SETD7: variants seen among roughly 807,000 people sequenced by gnomAD.
SETD7 encodes the protein histone-lysine N-methyltransferase SETD7.
In SETD7, 16 loss-of-function variants were observed where a neutral mutation model predicts 41.8. The ratio of observed to expected loss-of-function variants is 0.38; its 90% confidence interval spans 0.26 to 0.58. SETD7 has a LOEUF of 0.58. Among genes scored for constraint, SETD7 ranks in the 20% least tolerant of loss-of-function variants. SETD7 has a pLI of 0.64. For missense variants in SETD7, 346 were observed against 459.7 expected (o/e 0.75, Z 2.26); for synonymous variants, 163 against 169.7 (o/e 0.96, Z 0.31).
intron 7 of SETD7, among the ~76,000 whole-genome samples, chr4:139,516,457 C>T (rs1481848697): frequency 2.2e-5 from 2 of 92,804 alleles, no homozygotes; most frequent in African/African-American, 9.0e-5. Context: ...CTGAGCGAGA[C>T]TCTGTCTCAA....
chr4:139,507,160 C>T lies in SETD7; in HGVS notation c.*4503G>A, dbSNP rs949894615. Reference sequence around the variant, plus strand: ...TGATGGCGGCCGGGAAACCGAGTTTCGAGGTTCACATGGCCAAGTCTGGCT... The same window carrying T: ...TGATGGCGGCCGGGAAACCGAGTTTTGAGGTTCACATGGCCAAGTCTGGCT... On this transcript the variant is annotated 3_prime_UTR_variant, in exon 8 of 8. Transcript: ENST00000274031. 1.3e-5 allele frequency: 2 copies of T among 152,798 alleles called. No homozygotes were observed. Among genetic ancestry groups the T allele is most frequent in the East Asian group, 1.9e-4 (1 of 5,204 alleles). The allele number at this position is 152,798 out of a possible 1,614,324, so 9.5% of individuals were successfully genotyped here.
At chr4:139,550,095 G>A (rs1728069847) in intron 1 of SETD7, among the ~76,000 whole-genome samples, 1 of 152,060 alleles carries the variant, frequency 6.6e-6, no homozygotes, top group Non-Finnish European at 1.5e-5. Context: ...GTGTTGCCCA[G>A]GCTGGTCTCA....
intron 6 of SETD7, 27 bp downstream of exon 6, chr4:139,520,250 T>A: frequency 7.8e-7 from 1 of 1,280,760 alleles, no homozygotes; most frequent in Non-Finnish European, 1.1e-6. Context: ...CCAACAAAGT[T>A]GATTTTCCAC....
intron 7 of SETD7, 32 bp downstream of exon 7, chr4:139,517,853 G>A: frequency 6.3e-7 from 1 of 1,596,056 alleles, no homozygotes; most frequent in Non-Finnish European, 8.6e-7. Flanking sequence ...CTGAGGCATA[G>A]ATCCGCCCCA....
At chr4:139,513,684 C>T (rs1188490157) in intron 7 of SETD7, among the ~76,000 whole-genome samples, 1 of 152,152 alleles carries the variant, frequency 6.6e-6, no homozygotes, top group Non-Finnish European at 1.5e-5. Context: ...TTTACTGCAT[C>T]CTCTTGGAAA....
intron 4 of SETD7, among the ~76,000 whole-genome samples, chr4:139,524,232 T>A (rs1292753485): frequency 6.6e-6 from 1 of 152,218 alleles, no homozygotes; most frequent in African/African-American, 2.4e-5. Context: ...TGTTTGTGAG[T>A]GGCTTTTTTT....
At chr4:139,533,107 C>G in intron 3 of SETD7, 58 bp downstream of exon 3, 1 of 1,456,040 alleles carries the variant, frequency 6.9e-7, no homozygotes, top group Non-Finnish European at 9.7e-7. Context: ...TTTTACTCTT[C>G]ATTGTGAAGA....
At chr4:139,520,493 G>A in intron 5 of SETD7, 99 bp from the exon 6 acceptor site, 1 of 613,446 alleles carries the variant, frequency 1.6e-6, no homozygotes, top group Non-Finnish European at 2.7e-6. Context: ...ATTCCAAAAT[G>A]TCAATTCATA....
intron 2 of SETD7, among the ~76,000 whole-genome samples, chr4:139,545,214 G>A (rs747202157): frequency 6.6e-6 from 1 of 151,868 alleles, no homozygotes; most frequent in Non-Finnish European, 1.5e-5. Flanking sequence ...ACAGGGTCTT[G>A]CTCTGTCACC....
chr4:139,529,652 C>T (rs1449605423), intron 3 of SETD7, among the ~76,000 whole-genome samples: 2 of 152,204 alleles, frequency 1.3e-5, no homozygotes, highest in African/African-American at 2.4e-5. Context: ...CACTCCTACC[C>T]ACTATTCATA....
At chr4:139,499,911 G>T (rs1177478009) in intron 7 of SETD7, among the ~76,000 whole-genome samples, 1 of 152,178 alleles carries the variant, frequency 6.6e-6, no homozygotes, top group Non-Finnish European at 1.5e-5. Flanking sequence ...TCTAGACAGA[G>T]AGGTTTTGCT....
intron 1 of SETD7, among the ~76,000 whole-genome samples, chr4:139,548,647 A>T (rs1728027869): frequency 6.6e-6 from 1 of 152,206 alleles, no homozygotes; most frequent in Admixed American, 6.5e-5. Context: ...ACAACAATAA[A>T]AAGAATAAAT....
intron 2 of SETD7, among the ~76,000 whole-genome samples, chr4:139,542,885 T>C (rs1727819736): frequency 6.6e-6 from 1 of 152,232 alleles, no homozygotes; most frequent in African/African-American, 2.4e-5. Context: ...TTTCTTGATA[T>C]GTTTATATTT....
intron 6 of SETD7, 40 bp downstream of exon 6, chr4:139,520,237 T>C (rs375724007): frequency 9.7e-6 from 11 of 1,132,792 alleles, no homozygotes; most frequent in African/African-American, 1.6e-5. Flanking sequence ...CAAAGCCCTT[T>C]AACCAACAAA....
In SETD7 at chr4:139,506,201, C is replaced by T. The variant is rs1305282958; in HGVS notation, c.*5462G>A. ...CACACTACAAAAAACTCATTCATAA[C>T]ACAGTAAGGGCAAACATTATTCATG... On this transcript the variant is annotated 3_prime_UTR_variant, in exon 8 of 8. Transcript: ENST00000274031. The T allele has an allele frequency of 1.3e-5, 2 of 152,614 alleles. No homozygotes were observed. The highest frequency in any genetic ancestry group is 2.4e-5 in the African/African-American group (1 of 41,442). The allele number at this position is 152,614 out of a possible 1,614,324, so 9.5% of individuals were successfully genotyped here. A position where few individuals can be genotyped will look rare whatever the true frequency, so the allele number is the denominator to read the frequency against.
chr4:139,535,593 T>C (rs1477249552), intron 2 of SETD7, among the ~76,000 whole-genome samples: 3 of 152,204 alleles, frequency 2.0e-5, no homozygotes, highest in Admixed American at 6.5e-5. Flanking sequence ...CCCCCAACTG[T>C]ATTCAGTGGC....
chr4:139,504,010 GAAGGCA>G (rs1726644822), downstream of SETD7, among the ~76,000 whole-genome samples: 1 of 152,212 alleles, frequency 6.6e-6, no homozygotes, highest in Non-Finnish European at 1.5e-5. Flanking sequence ...GCTAGCCCCT[GAAGGCA>G]AAGCAGACAA....
downstream of SETD7, among the ~76,000 whole-genome samples, chr4:139,502,760 G>A (rs1019503883): frequency 1.3e-5 from 2 of 152,150 alleles, no homozygotes; most frequent in African/African-American, 2.4e-5. Context: ...ACCCCATCAC[G>A]GAGGATGCTT....
intron 1 of SETD7, among the ~76,000 whole-genome samples, chr4:139,551,231 A>G (rs537685361): frequency 1.3e-5 from 2 of 152,394 alleles, no homozygotes; most frequent in East Asian, 1.9e-4. Flanking sequence ...GCGCCAAGTC[A>G]GCCAACAGCC....
Sources: allele counts gnomAD v4.1 joint callset (sites outside exome capture counted in the v4.1 genomes callset), GRCh38; gene constraint gnomAD v4.1.1; transcripts MANE v1.5; gene names NCBI Gene and HGNC (gene_info 2026-07-23, HGNC 2026-07-21).